The following DCC variants were observed in gnomAD, a reference collection of about 807,000 sequenced individuals.
DCC encodes netrin receptor DCC.
A neutral mutation model predicts 172.5 loss-of-function variants in DCC; 58 were observed. The observed-to-expected ratio is 0.34, with a 90% confidence interval of 0.27 to 0.42. DCC has a LOEUF of 0.42. Ranked by LOEUF, DCC falls within the 10% of genes least tolerant of loss-of-function variation. The pLI is 1.00. For synonymous variants in DCC, 709 were observed against 644.5 expected (o/e 1.10, Z -1.52); for missense variants, 1,740 against 1,791.0 (o/e 0.97, Z 0.51).
intron 1 of DCC, among the ~76,000 whole-genome samples, chr18:52,702,458 A>G (rs956908760): frequency 2.2e-4 from 33 of 152,166 alleles, no homozygotes; most frequent in African/African-American, 8.0e-4. Context: ...TATGGTTCTT[A>G]TACAACCCAG....
intron 6 of DCC, among the ~76,000 whole-genome samples, chr18:53,064,498 T>C (rs1345623091): frequency 6.6e-6 from 1 of 152,076 alleles, no homozygotes; most frequent in Non-Finnish European, 1.5e-5. Flanking sequence ...ATCCTATGAG[T>C]CCAGACACAA....
At chr18:52,651,101 A>T (rs1378146575) in intron 1 of DCC, among the ~76,000 whole-genome samples, 1 of 152,302 alleles carries the variant, frequency 6.6e-6, no homozygotes, top group East Asian at 1.9e-4. Context: ...CACTGTCAAT[A>T]ATTTTCTATA....
intron 2 of DCC, among the ~76,000 whole-genome samples, chr18:52,762,344 C>T (rs1196635346): frequency 6.6e-6 from 1 of 152,066 alleles, no homozygotes; most frequent in Middle Eastern, 3.4e-3. Context: ...TATGGTGGTG[C>T]ATGCCTGTAG....
At chr18:52,691,106 G>A (rs1233184908) in intron 1 of DCC, among the ~76,000 whole-genome samples, 1 of 152,160 alleles carries the variant, frequency 6.6e-6, no homozygotes, top group African/African-American at 2.4e-5. Context: ...CTCATTCCCT[G>A]TAGGCAGATA....
chr18:53,459,185 C>G, intron 23 of DCC, 47 bp from the exon 24 acceptor site: 1 of 1,374,488 alleles, frequency 7.3e-7, no homozygotes, highest in Non-Finnish European at 1.0e-6. Context: ...AAAGGAAGTG[C>G]CATTGAATAG....
At chr18:52,576,230 C>T (rs1308828008) in intron 1 of DCC, among the ~76,000 whole-genome samples, 12 of 152,306 alleles carry the variant, frequency 7.9e-5, no homozygotes. Context: ...ATGGCAAGTG[C>T]ATAGATGTCC....
intron 1 of DCC, among the ~76,000 whole-genome samples, chr18:52,387,937 A>G (rs1985879135): frequency 6.6e-6 from 1 of 152,026 alleles, no homozygotes; most frequent in African/African-American, 2.4e-5. Flanking sequence ...GCCACCACCA[A>G]TCATGCTCCA....
At chr18:53,183,984 C>G (rs1340558850) in intron 9 of DCC, among the ~76,000 whole-genome samples, 1 of 141,926 alleles carries the variant, frequency 7.0e-6, no homozygotes, top group African/African-American at 2.6e-5. Flanking sequence ...GCCACTGGGT[C>G]TTGCCTGGCA....
intron 25 of DCC, among the ~76,000 whole-genome samples, chr18:53,482,583 C>A (rs2045846290): frequency 6.6e-6 from 1 of 151,904 alleles, no homozygotes; most frequent in African/African-American, 2.4e-5. Flanking sequence ...AACTCTTTTT[C>A]TAAACGTACT....
chr18:52,591,095 A>G (rs80297102), intron 1 of DCC, among the ~76,000 whole-genome samples: 6,006 of 152,288 alleles, frequency 0.039, 172 homozygotes, highest in Non-Finnish European at 0.063. Context: ...AATGTCTACC[A>G]TTGCTTAGAA....
At chr18:52,544,529 C>T (rs532629760) in intron 1 of DCC, among the ~76,000 whole-genome samples, 1 of 151,868 alleles carries the variant, frequency 6.6e-6, no homozygotes, top group Admixed American at 6.6e-5. Flanking sequence ...GATGATCACA[C>T]AGGTTACATT....
At chr18:53,183,993 C>T (rs1598884744) in intron 9 of DCC, among the ~76,000 whole-genome samples, 2 of 121,932 alleles carry the variant, frequency 1.6e-5, no homozygotes, top group Non-Finnish European at 3.5e-5. Flanking sequence ...TCTTGCCTGG[C>T]ATCTCATTTA....
At chr18:53,455,495 G>A (rs1253610930) in intron 23 of DCC, among the ~76,000 whole-genome samples, 1 of 152,172 alleles carries the variant, frequency 6.6e-6, no homozygotes, top group Non-Finnish European at 1.5e-5. Flanking sequence ...AATAGGTTAT[G>A]CATAAAGTAA....
intron 1 of DCC, among the ~76,000 whole-genome samples, chr18:52,707,546 G>A (rs748479914): frequency 6.6e-6 from 1 of 152,184 alleles, no homozygotes. Context: ...TCAATATGTT[G>A]AAGAGGTATC....
At chr18:52,702,787 G>C (rs16955405) in intron 1 of DCC, among the ~76,000 whole-genome samples, 5,599 of 152,092 alleles carry the variant, frequency 0.037, 145 homozygotes, top group Middle Eastern at 0.065. Context: ...GTCTATATCT[G>C]GCCTTCCAGA....
At chr18:52,894,509 G>A (rs2039700041) in intron 2 of DCC, among the ~76,000 whole-genome samples, 2 of 150,502 alleles carry the variant, frequency 1.3e-5, no homozygotes, top group African/African-American at 2.4e-5. Context: ...ATAATATATA[G>A]GATCTATCCA....
At chr18:52,812,263 T>A (rs1462841994) in intron 2 of DCC, among the ~76,000 whole-genome samples, 1 of 152,252 alleles carries the variant, frequency 6.6e-6, no homozygotes, top group African/African-American at 2.4e-5. Flanking sequence ...TGTGTTTCAA[T>A]TAAATTTTGT....
chr18:53,088,897 G>C (rs1057044291), intron 7 of DCC, among the ~76,000 whole-genome samples: 1 of 152,080 alleles, frequency 6.6e-6, no homozygotes, highest in African/African-American at 2.4e-5. Flanking sequence ...CCAGAAACGA[G>C]CATTAACCCA....
intron 7 of DCC, among the ~76,000 whole-genome samples, chr18:53,066,375 A>ATATATATATATATATG (rs1568281691): frequency 1.6e-5 from 1 of 62,254 alleles, no homozygotes; most frequent in African/African-American, 1.3e-4. Flanking sequence ...ATATATATAT[A>ATATATATATATATATG]TATATATATA....
Sources: gnomAD v4.1 joint callset for allele counts (sites outside exome capture counted in the v4.1 genomes callset) on GRCh38, gnomAD v4.1.1 for gene constraint, MANE v1.5 for transcripts, NCBI Gene and HGNC (gene_info 2026-07-23, HGNC 2026-07-21) for gene names.